PRICKLE2: variants seen among roughly 807,000 people sequenced by gnomAD.
PRICKLE2 encodes prickle-like protein 2.
In PRICKLE2, 21 loss-of-function variants were observed where a neutral mutation model predicts 81.4. The ratio of observed to expected loss-of-function variants is 0.26; its 90% CI spans 0.18 to 0.37. The LOEUF (loss-of-function observed/expected upper bound fraction) is 0.37. PRICKLE2 is among the 10% of genes least tolerant of loss of function. The pLI is 1.00. For synonymous variants in PRICKLE2, 456 were observed against 421.5 expected (o/e 1.08, Z -1.00); for missense variants, 940 against 1,109.0 (o/e 0.85, Z 2.16).
intron 6 of PRICKLE2, among the ~76,000 whole-genome samples, chr3:64,150,015 C>A (rs564182760): frequency 3.1e-4 from 39 of 127,072 alleles, no homozygotes; most frequent in Non-Finnish European, 5.5e-4. Flanking sequence ...CCATCTCTTA[C>A]AGCACCAGTG....
At position 64,246,349 on chromosome 3, in the gene PRICKLE2, T is replaced by C. The variant is rs537618688; in HGVS notation, c.129-47382A>G. 6.6e-5 allele frequency among the ~76,000 whole-genome samples: 10 copies of C among 152,292 alleles called. No homozygotes were observed. The South Asian group carries it at 2.1e-3, about 32-fold the overall frequency. On this transcript the variant is annotated intron_variant, in intron 2 of 8. Transcript: ENST00000295902. ...GTACAAGGGATCTTGACGATGCTAT[T>C]AAAAACAGAGCCCTGAAGTTGGAAA... is the stretch of plus-strand genomic sequence containing the variant.
chr3:64,203,325 G>A (rs2078623473), intron 1 of PRICKLE2, among the ~76,000 whole-genome samples: 2 of 152,168 alleles, frequency 1.3e-5, no homozygotes, highest in South Asian at 4.1e-4. Flanking sequence ...GGTCTGTTGG[G>A]AAGCAGTCAG....
intron 7 of PRICKLE2, among the ~76,000 whole-genome samples, chr3:64,109,129 A>T (rs2076802528): frequency 6.6e-6 from 1 of 152,054 alleles, no homozygotes; most frequent in Non-Finnish European, 1.5e-5. Flanking sequence ...GCTCTACCCC[A>T]TCCTGCAGAC....
intron 2 of PRICKLE2, among the ~76,000 whole-genome samples, chr3:64,188,927 TTTG>T (rs2107095518): frequency 6.6e-6 from 1 of 152,342 alleles, no homozygotes; most frequent in South Asian, 2.1e-4. Flanking sequence ...TTCTTATTGC[TTTG>T]TTAATAGACG....
chr3:64,220,944 G>C (rs942220971), intron 1 of PRICKLE2, among the ~76,000 whole-genome samples: 2 of 152,146 alleles, frequency 1.3e-5, no homozygotes, highest in Non-Finnish European at 1.5e-5. Flanking sequence ...TTTAGAAATG[G>C]TCCATGGTGC....
At chr3:64,102,550 G>C (rs561561466) in intron 7 of PRICKLE2, 1 of 152,738 alleles carries the variant, frequency 6.5e-6, no homozygotes, top group Non-Finnish European at 1.5e-5. Context: ...ACAAGCTCAG[G>C]TCTCCCACTG....
At chr3:64,160,171 C>T in intron 3 of PRICKLE2, 94 bp from the exon 4 acceptor site, 2 of 1,404,700 alleles carry the variant, frequency 1.4e-6, no homozygotes, top group East Asian at 2.3e-5. Flanking sequence ...TAAATACACT[C>T]TCATTTGGTT....
At chr3:64,243,545 A>T (rs1278086516) in intron 2 of PRICKLE2, among the ~76,000 whole-genome samples, 4 of 152,218 alleles carry the variant, frequency 2.6e-5, no homozygotes, top group African/African-American at 7.2e-5. Context: ...GGTATCAGTC[A>T]TACCTGGGTA....
chr3:64,266,125 T>G (rs914691866), intron 2 of PRICKLE2, among the ~76,000 whole-genome samples: 19 of 151,994 alleles, frequency 1.3e-4, no homozygotes, highest in African/African-American at 4.3e-4. Flanking sequence ...TGAGGCTGAT[T>G]CAGGAAAATA....
At chr3:64,162,424 C>T (rs752387763) in intron 3 of PRICKLE2, among the ~76,000 whole-genome samples, 1 of 152,092 alleles carries the variant, frequency 6.6e-6, no homozygotes, top group Non-Finnish European at 1.5e-5. Flanking sequence ...GCTTACAGTG[C>T]CATGTTTCTG....
At chr3:64,234,510 G>A (rs745463995) in intron 2 of PRICKLE2, among the ~76,000 whole-genome samples, 4 of 152,094 alleles carry the variant, frequency 2.6e-5, no homozygotes, top group Admixed American at 2.6e-4. Context: ...TTGGGCACAC[G>A]TGTTAAAATT....
chr3:64,235,171 A>T (rs1048017176), intron 2 of PRICKLE2, among the ~76,000 whole-genome samples: 1 of 152,232 alleles, frequency 6.6e-6, no homozygotes, highest in South Asian at 2.1e-4. Flanking sequence ...CCCTCTAGTC[A>T]ATTTTTCATT....
intron 1 of PRICKLE2, among the ~76,000 whole-genome samples, chr3:64,205,475 G>C (rs2078670515): frequency 6.6e-6 from 1 of 152,132 alleles, no homozygotes; most frequent in African/African-American, 2.4e-5. Flanking sequence ...TTACTTGAAA[G>C]GATTCATCAT....
In PRICKLE2 at chr3:64,099,982, C is replaced by A. The variant is rs1483930171; in HGVS notation, c.1661-57G>T. On this transcript the variant is annotated intron_variant, in intron 7 of 7. Coordinates refer to ENST00000638394, the MANE Select transcript of PRICKLE2 (RefSeq NM_198859.4). This position sits in a 1 kb window ranked among gnomAD's most constrained non-coding sequence, Gnocchi z 4.3. ...AATACAGATGTGCAGCAATGGGTAT[C>A]ACTGTCACTGCTGGTCATCTATCTA... is the stretch of plus-strand genomic sequence containing the variant. The A allele has an allele frequency of 1.3e-6, 2 of 1,551,468 alleles. No individual in the cohort carries two copies. The highest frequency in any genetic ancestry group is 2.7e-5 in the African/African-American group (2 of 73,664).
intron 2 of PRICKLE2, among the ~76,000 whole-genome samples, chr3:64,244,377 T>C (rs1255226305): frequency 6.6e-6 from 1 of 152,206 alleles, no homozygotes; most frequent in African/African-American, 2.4e-5. Flanking sequence ...ATGAGCTAAC[T>C]GGCAAAGGGA....
intron 7 of PRICKLE2, among the ~76,000 whole-genome samples, chr3:64,118,972 C>T (rs1229743089): frequency 1.3e-5 from 2 of 152,206 alleles, no homozygotes; most frequent in Non-Finnish European, 2.9e-5. Context: ...AATCAATCTG[C>T]ATAACCATCA....
At chr3:64,125,842 A>T (rs867262836) in intron 7 of PRICKLE2, among the ~76,000 whole-genome samples, 2 of 152,236 alleles carry the variant, frequency 1.3e-5, no homozygotes, top group South Asian at 2.1e-4. Flanking sequence ...CCAAAATCTG[A>T]CAAAGAACCT....
chr3:64,150,997 A>G (rs1214467944), intron 6 of PRICKLE2, among the ~76,000 whole-genome samples: 1 of 152,168 alleles, frequency 6.6e-6, no homozygotes. Context: ...AAGCCCTTTA[A>G]GTACTTCTTG....
At chr3:64,218,226 T>C (rs1045091825) in intron 1 of PRICKLE2, among the ~76,000 whole-genome samples, 5 of 152,234 alleles carry the variant, frequency 3.3e-5, no homozygotes, top group Admixed American at 6.5e-5. Context: ...CCTGTGCTCT[T>C]TGAAACTTCA....
Sources: allele counts gnomAD v4.1 joint callset (sites outside exome capture counted in the v4.1 genomes callset), GRCh38; gene constraint gnomAD v4.1.1; non-coding constraint Gnocchi (gnomAD v3.1); transcripts MANE v1.5; gene names NCBI Gene and HGNC (gene_info 2026-07-23, HGNC 2026-07-21).